Variants in RASA3 observed in about 807,000 individuals in gnomAD.
The protein encoded by RASA3 is RAS p21 protein activator 3, also known as ras GTPase-activating protein 3.
Under a neutral mutation model 110.0 loss-of-function variants are expected in RASA3, and 73 were observed. The ratio of observed to expected loss-of-function variants is 0.66; its 90% CI spans 0.55 to 0.81. The LOEUF (loss-of-function observed/expected upper bound fraction) is 0.81. RASA3 is among the 30% of genes least tolerant of loss of function. The pLI, the probability that RASA3 is intolerant of heterozygous loss-of-function variation, is 0.00. For synonymous variants in RASA3, 500 were observed against 451.4 expected (o/e 1.11, Z -1.37); for missense variants, 976 against 1,113.2 (o/e 0.88, Z 1.75).
intron 13 of RASA3, among the ~76,000 whole-genome samples, chr13:114,015,934 C>T (rs1286023854): frequency 2.0e-5 from 3 of 152,078 alleles, no homozygotes; most frequent in Admixed American, 6.5e-5. Flanking sequence ...GGCATGCAGA[C>T]CGGATCACTC....
intron 23 of RASA3, among the ~76,000 whole-genome samples, chr13:113,980,668 G>A (rs1224029034): frequency 6.6e-6 from 1 of 152,256 alleles, no homozygotes. Context: ...GGTGTCGAGA[G>A]GGATCTGATA....
chr13:114,131,432 G>A (rs2080517534), intron 1 of RASA3, among the ~76,000 whole-genome samples: 1 of 152,166 alleles, frequency 6.6e-6, no homozygotes, highest in East Asian at 1.9e-4. Flanking sequence ...TTGCTCTGGG[G>A]GAGGGGGAGG....
At chr13:113,999,013 C>A (rs1324852838) in intron 20 of RASA3, among the ~76,000 whole-genome samples, 4 of 152,304 alleles carry the variant, frequency 2.6e-5, no homozygotes, top group Admixed American at 2.6e-4. Context: ...AAAGCACGGG[C>A]GGGACCGTGA....
chr13:114,021,725 C>G (rs1285706372), intron 8 of RASA3, among the ~76,000 whole-genome samples: 7 of 152,166 alleles, frequency 4.6e-5, no homozygotes, highest in Admixed American at 1.3e-4. Context: ...AATGGGCAGG[C>G]AGAGGAAGGC....
At chr13:114,094,424 G>A (rs2079920578) in intron 1 of RASA3, among the ~76,000 whole-genome samples, 1 of 152,230 alleles carries the variant, frequency 6.6e-6, no homozygotes, top group African/African-American at 2.4e-5. Context: ...AATGTGATAT[G>A]TCATTTGTGG....
intron 1 of RASA3, among the ~76,000 whole-genome samples, chr13:114,119,469 G>A (rs948443681): frequency 6.6e-6 from 1 of 152,074 alleles, no homozygotes; most frequent in Non-Finnish European, 1.5e-5. Context: ...GCAGCAGCGA[G>A]AGAACCAGCA....
chr13:113,980,028 CTGTG>C (rs540748896), intron 23 of RASA3, among the ~76,000 whole-genome samples: 3,671 of 141,006 alleles, frequency 0.026, 58 homozygotes, highest in South Asian at 0.043. Context: ...ACGTGTGCAC[CTGTG>C]TGTGCACCTC....
chr13:114,071,062 C>G (rs1376696850), intron 2 of RASA3, among the ~76,000 whole-genome samples: 1 of 152,284 alleles, frequency 6.6e-6, no homozygotes, highest in Non-Finnish European at 1.5e-5. Flanking sequence ...CAGTTTTACT[C>G]TCTTGGAACT....
At chr13:113,995,848 G>A (rs1211737240) in intron 21 of RASA3, among the ~76,000 whole-genome samples, 1 of 67,068 alleles carries the variant, frequency 1.5e-5, no homozygotes, top group Non-Finnish European at 2.9e-5. Flanking sequence ...GGGCCCGGCT[G>A]ACGGGGGGCC....
At chr13:114,002,499 G>C (rs758792577) in intron 18 of RASA3, among the ~76,000 whole-genome samples, 17 of 152,222 alleles carry the variant, frequency 1.1e-4, no homozygotes, top group Admixed American at 2.0e-4. Flanking sequence ...GGGGGTTGGG[G>C]GGGGACTGGG....
At position 114,048,343 on chromosome 13, in the gene RASA3, A is replaced by C. The variant is rs962440221; in HGVS notation, c.277+3709T>G. 6.6e-6 allele frequency among the ~76,000 whole-genome samples: 1 copy of C among 151,362 alleles called. No individual in the cohort carries two copies. Among genetic ancestry groups the C allele is most frequent in the Admixed American group, 6.6e-5 (1 of 15,214 alleles). On this transcript the variant is annotated intron_variant, in intron 3 of 23. Transcript: ENST00000334062. This position sits in a 1 kb window ranked among gnomAD's most constrained non-coding sequence, Gnocchi z 4.3. ...AAAAAAAAAAAAGAAGAAGAAAAGA[A>C]TGGAGGTCTCACTGCACCCCCACCC... is the stretch of plus-strand genomic sequence containing the variant.
rs150525229 is a variant in RASA3, at chr13:114,015,300, G to T, written c.1314C>A (p.Phe438Leu). The T allele has an allele frequency of 6.2e-7, 1 of 1,613,088 alleles. No homozygotes were observed. The highest frequency in any genetic ancestry group is 1.1e-5 in the South Asian group (1 of 91,084). ...ENLRQYVDRVFHAITESGVSC... is the reference protein window; with the variant it reads ...ENLRQYVDRVLHAITESGVSC... Reference sequence around the variant, plus strand: ...TCACCCCAGACTCAGTGATGGCGTGGAAGACGCGGTCCACATACTGCCGTA... The same window carrying T: ...TCACCCCAGACTCAGTGATGGCGTGTAAGACGCGGTCCACATACTGCCGTA... The change falls in exon 14 of 24, where the codon TTC becomes TTA. Residue 438 changes from phenylalanine (F) to leucine (L), a missense_variant. Physicochemically the swap from Phe to Leu is conservative, Grantham distance 22. Coordinates refer to ENST00000334062, the MANE Select transcript of RASA3 (RefSeq NM_007368.4).
At chr13:113,980,296 GC>G (rs1470724502) in intron 23 of RASA3, among the ~76,000 whole-genome samples, 1 of 133,618 alleles carries the variant, frequency 7.5e-6, no homozygotes, top group Non-Finnish European at 1.5e-5. Context: ...TGCACCTTCT[GC>G]CATGTATGTG....
chr13:114,122,953 C>T (rs2080398016), intron 1 of RASA3, among the ~76,000 whole-genome samples: 1 of 152,198 alleles, frequency 6.6e-6, no homozygotes, highest in African/African-American at 2.4e-5. Context: ...AGCCTCCTTT[C>T]TGAGGAAGCG....
chr13:114,023,625 C>T (rs781746518), intron 8 of RASA3, among the ~76,000 whole-genome samples: 7 of 152,216 alleles, frequency 4.6e-5, no homozygotes, highest in South Asian at 4.1e-4. Context: ...TCTGAGTCAG[C>T]GGGATCGTGG....
At chr13:114,103,576 CTG>C (rs1251896534) in intron 1 of RASA3, among the ~76,000 whole-genome samples, 4 of 43,286 alleles carry the variant, frequency 9.2e-5, no homozygotes, top group Admixed American at 1.7e-4. Context: ...TGCGTCCATG[CTG>C]CCACAGCCAC....
intron 3 of RASA3, among the ~76,000 whole-genome samples, chr13:114,043,146 G>C (rs962677814): frequency 2.6e-5 from 4 of 152,214 alleles, no homozygotes; most frequent in African/African-American, 9.7e-5. Context: ...CAGAGGGTCT[G>C]AGACACGCCC....
At chr13:114,111,109 AGAGCTGCAGGC>A (rs1566581296) in intron 1 of RASA3, among the ~76,000 whole-genome samples, 6,427 of 45,986 alleles carry the variant, frequency 0.14, 640 homozygotes, top group East Asian at 0.25. Flanking sequence ...TGAGCCACAA[AGAGCTGCAGGC>A]CGAGTTCTAA....
At chr13:114,101,607 G>A (rs931944266) in intron 1 of RASA3, among the ~76,000 whole-genome samples, 1 of 152,246 alleles carries the variant, frequency 6.6e-6, no homozygotes, top group Non-Finnish European at 1.5e-5. Context: ...ACGCTTGGCT[G>A]TCCTCGTTTC....
Sources: allele counts gnomAD v4.1 joint callset (sites outside exome capture counted in the v4.1 genomes callset), GRCh38; gene constraint gnomAD v4.1.1; non-coding constraint Gnocchi (gnomAD v3.1); transcripts MANE v1.5; gene names NCBI Gene and HGNC (gene_info 2026-07-23, HGNC 2026-07-21).